Variants in CSMD3 observed in about 807,000 individuals in gnomAD.
CSMD3 encodes the protein CUB and Sushi multiple domains 3, also known as CUB and sushi domain-containing protein 3.
Under a neutral mutation model 435.2 loss-of-function variants are expected in CSMD3, and 177 were observed. The ratio of observed to expected loss-of-function variants is 0.41; its 90% CI spans 0.36 to 0.46. The LOEUF (loss-of-function observed/expected upper bound fraction) is 0.46, where lower values mean the gene tolerates loss of function less well. Among genes scored for constraint, CSMD3 ranks in the 20% least tolerant of loss-of-function variants. The probability of loss-of-function intolerance (pLI) is 0.34; values close to 1 mark genes in which losing one functional copy is unlikely to be tolerated. For missense variants in CSMD3, 4,265 were observed against 4,504.6 expected (o/e 0.95, Z 1.52); for synonymous variants, 1,656 against 1,520.5 (o/e 1.09, Z -2.07).
chr8:112,775,811 T>G (rs1587257213), intron 13 of CSMD3, among the ~76,000 whole-genome samples: 1 of 151,924 alleles, frequency 6.6e-6, no homozygotes, highest in East Asian at 1.9e-4. Context: ...CATCTTTGCA[T>G]AAAATATACA....
chr8:112,388,466 C>T (rs758949669), intron 36 of CSMD3, among the ~76,000 whole-genome samples: 11 of 151,978 alleles, frequency 7.2e-5, no homozygotes, highest in African/African-American at 1.9e-4. Context: ...ACAAACCTGA[C>T]GAATTTCATT....
chr8:113,276,948 T>C (rs1327356583), intron 3 of CSMD3, among the ~76,000 whole-genome samples: 1 of 151,988 alleles, frequency 6.6e-6, no homozygotes, highest in Non-Finnish European at 1.5e-5. Flanking sequence ...GTAGAAACAA[T>C]TGGGAGCTAT....
chr8:112,824,710 G>C (rs2079626531), intron 12 of CSMD3, among the ~76,000 whole-genome samples: 1 of 152,146 alleles, frequency 6.6e-6, no homozygotes, highest in South Asian at 2.1e-4. Flanking sequence ...TAGGTGACCT[G>C]ATTTTTCTCC....
intron 4 of CSMD3, among the ~76,000 whole-genome samples, chr8:113,169,184 A>G (rs781255874): frequency 4.5e-4 from 68 of 152,270 alleles, no homozygotes; most frequent in Non-Finnish European, 4.6e-4. Context: ...TTCTTATTTC[A>G]TCAGTCATTT....
chr8:112,766,180 T>C (rs1358327988), intron 13 of CSMD3, among the ~76,000 whole-genome samples: 2 of 151,728 alleles, frequency 1.3e-5, no homozygotes, highest in African/African-American at 4.8e-5. Flanking sequence ...ATCACATACA[T>C]TAAACAAAGT....
chr8:112,932,978 A>G (rs922737338), intron 9 of CSMD3, among the ~76,000 whole-genome samples: 5 of 152,206 alleles, frequency 3.3e-5, no homozygotes, highest in African/African-American at 1.2e-4. Context: ...TTACACATCA[A>G]TAAAATATAT....
chr8:112,408,277 T>A, intron 34 of CSMD3, 41 bp downstream of exon 34: 1 of 1,195,560 alleles, frequency 8.4e-7, no homozygotes. Flanking sequence ...GGGAAAATTA[T>A]ATCATTCCTT....
At chr8:112,606,400 G>A (rs1041150107) in intron 22 of CSMD3, among the ~76,000 whole-genome samples, 1 of 152,092 alleles carries the variant, frequency 6.6e-6, no homozygotes, top group African/African-American at 2.4e-5. Flanking sequence ...GAGAAGGGAG[G>A]CTGCAGAAGC....
At chr8:113,365,065 A>T (rs1422208971) in intron 1 of CSMD3, among the ~76,000 whole-genome samples, 1 of 152,094 alleles carries the variant, frequency 6.6e-6, no homozygotes, top group African/African-American at 2.4e-5. Context: ...GAATACATTT[A>T]TGTGAAATGT....
chr8:113,366,904 T>C (rs1244729195), intron 1 of CSMD3, among the ~76,000 whole-genome samples: 1 of 152,092 alleles, frequency 6.6e-6, no homozygotes, highest in Non-Finnish European at 1.5e-5. Context: ...GTGTTAAAGA[T>C]GTTCTCTTTT....
At chr8:112,265,691 T>C in intron 59 of CSMD3, 101 bp from the exon 60 acceptor site, 1 of 846,632 alleles carries the variant, frequency 1.2e-6, no homozygotes, top group Non-Finnish European at 2.0e-6. Context: ...GCAGGAAAAT[T>C]AGTTATCGTG....
At chr8:112,969,096 G>A (rs1341822679) in intron 7 of CSMD3, among the ~76,000 whole-genome samples, 1 of 151,960 alleles carries the variant, frequency 6.6e-6, no homozygotes, top group African/African-American at 2.4e-5. Flanking sequence ...AGTTTTTGAT[G>A]TAAAAGAGTG....
At chr8:112,552,182 A>C (rs1472638025) in intron 26 of CSMD3, among the ~76,000 whole-genome samples, 1 of 152,028 alleles carries the variant, frequency 6.6e-6, no homozygotes, top group Non-Finnish European at 1.5e-5. Context: ...TAGGGTAATA[A>C]TTTGCAAAAC....
chr8:112,480,637 T>G (rs750793755), intron 31 of CSMD3, among the ~76,000 whole-genome samples: 1 of 152,126 alleles, frequency 6.6e-6, no homozygotes, highest in Non-Finnish European at 1.5e-5. Flanking sequence ...CTCTCTCTCT[T>G]GCTTCCTCTC....
chr8:112,624,181 T>C (rs965774378), intron 22 of CSMD3, among the ~76,000 whole-genome samples: 5 of 152,146 alleles, frequency 3.3e-5, no homozygotes, highest in Non-Finnish European at 7.4e-5. Flanking sequence ...TTTATTTTTA[T>C]TTACATTTTA....
chr8:112,907,905 T>C (rs2082305744), intron 10 of CSMD3, among the ~76,000 whole-genome samples: 2 of 151,418 alleles, frequency 1.3e-5, no homozygotes, highest in African/African-American at 4.8e-5. Flanking sequence ...GAGATGAGAA[T>C]AGTTACATGA....
At chr8:112,605,841 A>G (rs1832751154) in intron 22 of CSMD3, among the ~76,000 whole-genome samples, 1 of 152,144 alleles carries the variant, frequency 6.6e-6, no homozygotes, top group African/African-American at 2.4e-5. Flanking sequence ...ATGTAATCTT[A>G]ATTAATTTAT....
At chr8:112,811,415 T>TA (rs2079225073) in intron 12 of CSMD3, among the ~76,000 whole-genome samples, 1 of 35,632 alleles carries the variant, frequency 2.8e-5, no homozygotes, top group Non-Finnish European at 5.0e-5. Context: ...AGAAAACACT[T>TA]ACAAGTTTTA....
chr8:113,346,024 G>A (rs936012602), intron 1 of CSMD3, among the ~76,000 whole-genome samples: 15 of 151,962 alleles, frequency 9.9e-5, no homozygotes, highest in African/African-American at 3.4e-4. Flanking sequence ...GTTCCCCTTA[G>A]AAGTCTCACA....
Sources: allele counts gnomAD v4.1 joint callset (sites outside exome capture counted in the v4.1 genomes callset), GRCh38; gene constraint gnomAD v4.1.1; transcripts MANE v1.5; gene names NCBI Gene and HGNC (gene_info 2026-07-23, HGNC 2026-07-21).